The following CNBD1 variants were observed in gnomAD, a reference collection of about 807,000 sequenced individuals.
The protein encoded by CNBD1 is cyclic nucleotide-binding domain-containing protein 1.
Under a neutral mutation model 54.4 loss-of-function variants are expected in CNBD1, and 71 were observed. That is an observed-to-expected ratio of 1.30 (90% CI 1.08 to 1.59). The LOEUF (loss-of-function observed/expected upper bound fraction) is 1.59, where lower values mean the gene tolerates loss of function less well. CNBD1 is among the 40% of genes most tolerant of loss of function. The pLI, the probability that CNBD1 is intolerant of heterozygous loss-of-function variation, is 0.00. For synonymous variants in CNBD1, 182 were observed against 170.7 expected (o/e 1.07, Z -0.51); for missense variants, 659 against 518.0 (o/e 1.27, Z -2.64).
chr8:87,103,198 G>A (rs1315873200), intron 4 of CNBD1, among the ~76,000 whole-genome samples: 1 of 152,166 alleles, frequency 6.6e-6, no homozygotes, highest in East Asian at 1.9e-4. Flanking sequence ...TGGTTGTTGA[G>A]ATCTCCAAGA....
chr8:87,413,164 T>A (rs1807777507), intron 2 of CNBD1, among the ~76,000 whole-genome samples: 1 of 152,026 alleles, frequency 6.6e-6, no homozygotes, highest in Non-Finnish European at 1.5e-5. Flanking sequence ...GGAACGTGGC[T>A]TGTGGATGAG....
chr8:87,060,467 A>G (rs1029338756), intron 4 of CNBD1, among the ~76,000 whole-genome samples: 2 of 152,244 alleles, frequency 1.3e-5, no homozygotes, highest in African/African-American at 2.4e-5. Flanking sequence ...CTAGTATATT[A>G]CAAAACATCA....
intron 4 of CNBD1, among the ~76,000 whole-genome samples, chr8:87,058,092 CA>C (rs1246917567): frequency 6.6e-6 from 1 of 151,916 alleles, no homozygotes; most frequent in African/African-American, 2.4e-5. Context: ...TTGACCAAAA[CA>C]AAAAGACTAG....
At chr8:87,031,147 C>A (rs998761901) in intron 4 of CNBD1, among the ~76,000 whole-genome samples, 2 of 151,194 alleles carry the variant, frequency 1.3e-5, no homozygotes, top group African/African-American at 4.9e-5. Context: ...TTAAAAATGG[C>A]AAGGGAATAG....
chr8:87,349,622 G>C (rs1053955306), intron 8 of CNBD1, among the ~76,000 whole-genome samples: 7 of 152,134 alleles, frequency 4.6e-5, no homozygotes, highest in African/African-American at 1.7e-4. Flanking sequence ...TGATCTGCCC[G>C]CCTCGGCCTC....
chr8:87,343,218 T>C (rs1810102872), intron 8 of CNBD1, among the ~76,000 whole-genome samples: 1 of 152,210 alleles, frequency 6.6e-6, no homozygotes, highest in African/African-American at 2.4e-5. Context: ...GTTATTCCGT[T>C]CTTTTTTAGG....
In CNBD1 at chr8:87,244,040, G is replaced by A. The variant is rs116812604; in HGVS notation, c.771+6928G>A. On this transcript the variant is annotated intron_variant, in intron 6 of 10. Transcript: ENST00000518476. ...AGTTTATTTTGCCAAAGTTAAACAT[G>A]CGCACCCATGAACAGCCTCAGGTGG... Among the ~76,000 whole-genome samples, 454 of 152,232 alleles carry A rather than the reference G, an allele frequency of 3.0e-3. 2 individuals are homozygous for A. The highest frequency in any genetic ancestry group is 0.01 in the African/African-American group (432 of 41,536).
rs564184341 is a variant in CNBD1, at chr8:87,372,655, T to G, written c.1304-9965T>G. On this transcript the variant is annotated intron_variant, in intron 10 of 10. Coordinates refer to ENST00000518476, the MANE Select transcript of CNBD1 (RefSeq NM_173538.3). The stretch of plus-strand genomic sequence containing the variant: ...AGCTTTTTTGTTACATAATACTTTA[T>G]TTGTCCACAAATAAGTGGCCTCTTT... 5.3e-5 allele frequency among the ~76,000 whole-genome samples: 8 copies of G among 151,922 alleles called. No homozygotes were observed. The South Asian group carries it at 1.7e-3, about 31-fold the overall frequency.
intron 2 of CNBD1, among the ~76,000 whole-genome samples, chr8:87,412,512 G>T (rs566369195): frequency 6.6e-6 from 1 of 152,028 alleles, no homozygotes; most frequent in Non-Finnish European, 1.5e-5. Context: ...CATGGTCCCT[G>T]TTCAAATAAT....
chr8:86,959,890 G>A (rs192182541), intron 4 of CNBD1, among the ~76,000 whole-genome samples: 231 of 152,232 alleles, frequency 1.5e-3, no homozygotes, highest in African/African-American at 5.1e-3. Context: ...GCTGTGTTCC[G>A]TTGTTGGCGA....
chr8:87,171,832 T>A (rs1324740749), intron 4 of CNBD1, among the ~76,000 whole-genome samples: 1 of 151,820 alleles, frequency 6.6e-6, no homozygotes, highest in Non-Finnish European at 1.5e-5. Context: ...AGAAATGGGG[T>A]TTCACCATCT....
At chr8:87,408,228 ATGT>A (rs1807682796) in intron 2 of CNBD1, among the ~76,000 whole-genome samples, 1 of 151,844 alleles carries the variant, frequency 6.6e-6, no homozygotes, top group Admixed American at 6.6e-5. Context: ...CTATAATTCT[ATGT>A]TTGTCAGACC....
chr8:86,879,440 A>C (rs2131776921), intron 1 of CNBD1, among the ~76,000 whole-genome samples: 1 of 152,334 alleles, frequency 6.6e-6, no homozygotes, highest in African/African-American at 2.4e-5. Flanking sequence ...GAGTTTCAAA[A>C]AGTGTCACTG....
intron 4 of CNBD1, among the ~76,000 whole-genome samples, chr8:87,086,569 A>G (rs1375527661): frequency 1.3e-5 from 2 of 152,336 alleles, no homozygotes; most frequent in Non-Finnish European, 2.9e-5. Context: ...TATTGCTGAA[A>G]CAATGATAAC....
intron 10 of CNBD1, among the ~76,000 whole-genome samples, chr8:87,368,312 G>T (rs1417594296): frequency 6.6e-6 from 1 of 151,950 alleles, no homozygotes. Flanking sequence ...TTTTGGAAGG[G>T]CAGACTAGAG....
chr8:86,895,612 GTGT>G (rs1187271310), intron 2 of CNBD1, among the ~76,000 whole-genome samples: 1 of 152,144 alleles, frequency 6.6e-6, no homozygotes, highest in Non-Finnish European at 1.5e-5. Context: ...ATCATCATTT[GTGT>G]TGTTGGTGTT....
At chr8:87,421,885 C>T (rs1172209667) in intron 2 of CNBD1, among the ~76,000 whole-genome samples, 1 of 144,640 alleles carries the variant, frequency 6.9e-6, no homozygotes, top group Non-Finnish European at 1.5e-5. Context: ...GTTTACAGTC[C>T]CACCAACAGT....
At chr8:86,869,843 T>A (rs957994605) in intron 1 of CNBD1, among the ~76,000 whole-genome samples, 4 of 152,026 alleles carry the variant, frequency 2.6e-5, no homozygotes, top group Non-Finnish European at 2.9e-5. Flanking sequence ...GAAAAAAAAA[T>A]TCTTATTTTA....
intron 4 of CNBD1, among the ~76,000 whole-genome samples, chr8:87,136,257 A>T (rs1812224363): frequency 6.6e-6 from 1 of 151,770 alleles, no homozygotes; most frequent in Admixed American, 6.6e-5. Flanking sequence ...TTCATGGTTA[A>T]TTTACATCTC....
Sources: gnomAD v4.1 joint callset for allele counts (sites outside exome capture counted in the v4.1 genomes callset) on GRCh38, gnomAD v4.1.1 for gene constraint, MANE v1.5 for transcripts, NCBI Gene and HGNC (gene_info 2026-07-23, HGNC 2026-07-21) for gene names.